Variants in GRK5 observed in about 807,000 individuals in gnomAD.
GRK5 encodes g protein-coupled receptor kinase GRK5.
GRK5 carries 40 observed loss-of-function variants against 78.4 expected under a neutral mutation model. That is an observed-to-expected ratio of 0.51 (90% confidence interval 0.40 to 0.66). The LOEUF (loss-of-function observed/expected upper bound fraction) is 0.66. Among genes scored for constraint, GRK5 ranks in the 30% least tolerant of loss-of-function variants. GRK5 has a pLI of 0.00. For synonymous variants in GRK5, 289 were observed against 296.8 expected (o/e 0.97, Z 0.27); for missense variants, 598 against 759.9 (o/e 0.79, Z 2.50).
rs1427649099 is a variant in GRK5 at position 119,267,372 on chromosome 10, G to A, written c.53-59144G>A. Among the ~76,000 whole-genome samples the A allele has an allele frequency of 6.6e-6, 1 of 152,168 alleles. No homozygotes were observed. Among genetic ancestry groups the A allele is most frequent in the Non-Finnish European group, 1.5e-5 (1 of 68,030 alleles). ...TGTGGGATTACAGGTGTGAGCCACC[G>A]TGCCTAGCTGTGTTTTGTTGTCTGG... On this transcript the variant is annotated intron_variant, in intron 1 of 15. Coordinates refer to ENST00000392870, the MANE Select transcript of GRK5 (RefSeq NM_005308.3). This position sits in a 1 kb window ranked among gnomAD's most constrained non-coding sequence, Gnocchi z 4.1.
intron 4 of GRK5, among the ~76,000 whole-genome samples, chr10:119,421,006 A>C (rs1852559502): frequency 6.6e-6 from 1 of 152,144 alleles, no homozygotes; most frequent in African/African-American, 2.4e-5. Context: ...CAGGTGGGCA[A>C]CTCAGGTCCC....
chr10:119,243,806 C>A (rs1005892822), intron 1 of GRK5, among the ~76,000 whole-genome samples: 5 of 152,158 alleles, frequency 3.3e-5, no homozygotes, highest in Non-Finnish European at 5.9e-5. Context: ...ACAGTGAAAA[C>A]CACAACTGTG....
At chr10:119,281,266 C>T (rs576585414) in intron 1 of GRK5, among the ~76,000 whole-genome samples, 94 of 152,092 alleles carry the variant, frequency 6.2e-4, no homozygotes, top group African/African-American at 2.1e-3. Flanking sequence ...GGACTCTGCA[C>T]ATGCTGCCTT....
chr10:119,385,144 A>G (rs1166695142), intron 3 of GRK5, among the ~76,000 whole-genome samples: 1 of 152,084 alleles, frequency 6.6e-6, no homozygotes, highest in Non-Finnish European at 1.5e-5. Flanking sequence ...GGGGTAGGAG[A>G]GGAGGTGATC....
At position 119,239,183 on chromosome 10, in the gene GRK5, C is replaced by T. The variant is rs1423155017; in HGVS notation, c.52+31214C>T. ...TTCCCATGCTGGGGCTTCGGGATAA[C>T]AAGAGCTTGAACTGCCTTCTGTCAC... is the stretch of plus-strand genomic sequence containing the variant. On this transcript the variant is annotated intron_variant, in intron 1 of 15. Coordinates refer to ENST00000392870, the MANE Select transcript of GRK5 (RefSeq NM_005308.3). 2.7e-5 allele frequency among the ~76,000 whole-genome samples: 4 copies of T among 150,668 alleles called. No individual in the cohort carries two copies. The East Asian group carries it at 5.8e-4, about 22-fold the overall frequency.
chr10:119,342,602 C>T (rs1485228907), intron 2 of GRK5, among the ~76,000 whole-genome samples: 5 of 152,176 alleles, frequency 3.3e-5, no homozygotes, highest in South Asian at 2.1e-4. Context: ...CCGTCCCGTG[C>T]GGTGCAGAGC....
chr10:119,444,260 C>T (rs566327249), intron 12 of GRK5, among the ~76,000 whole-genome samples: 105 of 152,256 alleles, frequency 6.9e-4, no homozygotes, highest in African/African-American at 2.4e-3. Flanking sequence ...CTGCTGGTCA[C>T]GCCAGCCTGG....
At chr10:119,427,882 G>A (rs1051970075) in intron 6 of GRK5, among the ~76,000 whole-genome samples, 25 of 148,054 alleles carry the variant, frequency 1.7e-4, no homozygotes, top group African/African-American at 6.3e-4. Context: ...GCCATCAACA[G>A]CATTACTGCT....
intron 11 of GRK5, among the ~76,000 whole-genome samples, chr10:119,442,373 A>G (rs1374119674): frequency 6.6e-6 from 1 of 152,180 alleles, no homozygotes; most frequent in Non-Finnish European, 1.5e-5. Context: ...GGCCTGGCAT[A>G]CAGCGCTGCT....
At chr10:119,421,210 C>G (rs1243814682) in intron 4 of GRK5, among the ~76,000 whole-genome samples, 1 of 152,238 alleles carries the variant, frequency 6.6e-6, no homozygotes, top group African/African-American at 2.4e-5. Context: ...GCCATCGGCT[C>G]TCTCCTTCCT....
chr10:119,294,968 A>G (rs1246096616), intron 1 of GRK5, among the ~76,000 whole-genome samples: 1 of 152,064 alleles, frequency 6.6e-6, no homozygotes, highest in Non-Finnish European at 1.5e-5. Flanking sequence ...AGGTGGGTGG[A>G]TCATGAGGTC....
Position 119,436,756 on chromosome 10 carries a change from G to A in GRK5, c.844G>A (p.Gly282Ser), listed in dbSNP as rs771934392. The A allele has an allele frequency of 1.2e-6, 2 of 1,614,210 alleles. No homozygotes were observed. The highest frequency in any genetic ancestry group is 1.7e-6 in the Non-Finnish European group (2 of 1,180,026). The change falls in exon 9 of 16, where the codon GGC becomes AGC. Residue 282 changes from glycine (G) to serine (S), a missense_variant. Physicochemically the swap from Gly to Ser is moderately conservative, Grantham distance 56 (BLOSUM62 0). Coordinates refer to ENST00000392870, the MANE Select transcript of GRK5 (RefSeq NM_005308.3). ...CCACATCTACAACATGGGCAACCCT[G>A]GCTTCGAGGAGGAGCGGGCCTTGTT... Reference protein sequence around the residue: ...KFHIYNMGNPGFEEERALFYA... With the variant: ...KFHIYNMGNPSFEEERALFYA...
At chr10:119,398,969 C>G (rs777938606) in intron 4 of GRK5, among the ~76,000 whole-genome samples, 14 of 152,346 alleles carry the variant, frequency 9.2e-5, no homozygotes, top group East Asian at 7.7e-4. Flanking sequence ...GGCACTGGGG[C>G]AGCCACTGAG....
At chr10:119,364,617 T>C (rs1851415771) in intron 2 of GRK5, among the ~76,000 whole-genome samples, 1 of 152,120 alleles carries the variant, frequency 6.6e-6, no homozygotes, top group African/African-American at 2.4e-5. Context: ...CCCTGACTTA[T>C]CTAGTACAAA....
intron 1 of GRK5, among the ~76,000 whole-genome samples, chr10:119,310,034 C>T (rs10886447): frequency 0.41 from 62,231 of 151,962 alleles, 14,249 homozygotes; most frequent in Non-Finnish European, 0.51. Context: ...CTCCGTGGCG[C>T]AGGCTTCCCA....
chr10:119,282,221 C>T (rs10510056), intron 1 of GRK5, among the ~76,000 whole-genome samples: 76,455 of 152,028 alleles, frequency 0.5, 19,599 homozygotes, highest in East Asian at 0.73. Flanking sequence ...ACTTTAGTAT[C>T]GTGAGTGAGC....
At chr10:119,359,940 ATTGAGGAGGCTGAGGGGGC>A (rs1851331467) in intron 2 of GRK5, among the ~76,000 whole-genome samples, 5 of 151,096 alleles carry the variant, frequency 3.3e-5, no homozygotes, top group Admixed American at 3.3e-4. Context: ...GGTTGAGGAG[ATTGAGGAGGCTGAGGGGGC>A]TTGAGGAGGC....
intron 2 of GRK5, among the ~76,000 whole-genome samples, chr10:119,354,780 A>G (rs10886464): frequency 0.75 from 114,070 of 151,990 alleles, 44,124 homozygotes; most frequent in Middle Eastern, 0.88. Context: ...GTCCACCTTT[A>G]TGAGGATTTT....
At chr10:119,319,480 C>T (rs4752289) in intron 1 of GRK5, among the ~76,000 whole-genome samples, 105,415 of 152,162 alleles carry the variant, frequency 0.69, 38,131 homozygotes, top group Non-Finnish European at 0.79. Flanking sequence ...CCTTGCCTGG[C>T]GGGGCAACCC....
Sources: allele counts gnomAD v4.1 joint callset (sites outside exome capture counted in the v4.1 genomes callset), GRCh38; gene constraint gnomAD v4.1.1; non-coding constraint Gnocchi (gnomAD v3.1); transcripts MANE v1.5; gene names NCBI Gene and HGNC (gene_info 2026-07-23, HGNC 2026-07-21).